FANK1: variants seen among roughly 807,000 people sequenced by gnomAD.
FANK1 encodes fibronectin type III and ankyrin repeat domains 1.
FANK1 carries 44 observed loss-of-function variants against 45.3 expected under a neutral mutation model. The observed-to-expected ratio is 0.97, with a 90% CI of 0.76 to 1.25. The LOEUF is 1.25. Among genes scored for constraint, FANK1 ranks in the 50% most tolerant of loss-of-function variants. The pLI is 0.00. For synonymous variants in FANK1, 149 were observed against 152.5 expected, an observed-to-expected ratio of 0.98 and a Z score of 0.17; for missense variants, 391 against 424.4, an observed-to-expected ratio of 0.92 and a Z score of 0.69.
At chr10:125,991,278 T>TGTG (rs60170742) in intron 3 of FANK1, among the ~76,000 whole-genome samples, 1 of 147,068 alleles carries the variant, frequency 6.8e-6, no homozygotes, top group African/African-American at 2.5e-5. Context: ...TGTGTGTGTG[T>TGTG]TGGGGGAGTG....
Position 125,943,994 on chromosome 10 carries a change from C to T in FANK1, c.14-36167C>T, listed in dbSNP as rs370914200. 2.8e-4 allele frequency among the ~76,000 whole-genome samples: 43 copies of T among 152,340 alleles called. No individual in the cohort carries two copies. The South Asian group carries it at 8.5e-3, about 30-fold the overall frequency. ...ACGTCTTCTAAAAGTCACGTTTTTA[C>T]GTGACTGATTGCAAATGCAACATAA... On this transcript the variant is annotated intron_variant, in intron 1 of 10. Transcript: ENST00000368693.
At chr10:125,922,470 G>T (rs375568018) in intron 1 of FANK1, among the ~76,000 whole-genome samples, 1 of 152,184 alleles carries the variant, frequency 6.6e-6, no homozygotes, top group Non-Finnish European at 1.5e-5. Flanking sequence ...ATGACAGGCC[G>T]TAGCATACAT....
At chr10:125,941,035 T>G (rs1385048781) in intron 1 of FANK1, among the ~76,000 whole-genome samples, 3 of 152,208 alleles carry the variant, frequency 2.0e-5, no homozygotes, top group Non-Finnish European at 4.4e-5. Flanking sequence ...GTTCCTTTTC[T>G]ACATAGACAT....
At chr10:125,899,435 G>T (rs77267970) in intron 1 of FANK1, among the ~76,000 whole-genome samples, 2 of 150,648 alleles carry the variant, frequency 1.3e-5, no homozygotes, top group African/African-American at 2.4e-5. Context: ...GTTCTCGAAC[G>T]CCTGGCCTCA....
rs12415595 is a variant in FANK1, at chr10:125,909,940, G to A, written c.13+13285G>A. On this transcript the variant is annotated intron_variant, in intron 1 of 10. Transcript: ENST00000368693. ...ACAAGTTTTCTACTTTTGTAAAATTGTATTGAAGTATAATATACCTGAGAG... is the reference window on the plus strand; with the variant it reads ...ACAAGTTTTCTACTTTTGTAAAATTATATTGAAGTATAATATACCTGAGAG... Among the ~76,000 whole-genome samples, 719 of 151,552 alleles carry A rather than the reference G, an allele frequency of 4.7e-3. 40 individuals carry two copies. The East Asian group carries it at 0.096, about 20-fold the overall frequency.
At chr10:125,999,763 A>G (rs777094810) in intron 6 of FANK1, among the ~76,000 whole-genome samples, 5 of 152,200 alleles carry the variant, frequency 3.3e-5, no homozygotes, top group Non-Finnish European at 7.3e-5. Flanking sequence ...TATAGCTTGT[A>G]GGCATTTAAT....
intron 1 of FANK1, among the ~76,000 whole-genome samples, chr10:125,929,281 C>T (rs561258653): frequency 1.3e-5 from 2 of 152,196 alleles, no homozygotes; most frequent in Non-Finnish European, 2.9e-5. Context: ...AAAAAAGTCC[C>T]TCAGGTAGCA....
At chr10:125,903,104 C>T (rs1459836140) in intron 1 of FANK1, among the ~76,000 whole-genome samples, 1 of 152,312 alleles carries the variant, frequency 6.6e-6, no homozygotes, top group Non-Finnish European at 1.5e-5. Context: ...TTTCCCCAAG[C>T]TCAGGTTCAC....
chr10:125,957,635 A>C (rs950589767), intron 1 of FANK1, among the ~76,000 whole-genome samples: 1 of 151,720 alleles, frequency 6.6e-6, no homozygotes, highest in African/African-American at 2.4e-5. Flanking sequence ...AGCAATTCTC[A>C]TGCCTCAGCC....
intron 1 of FANK1, among the ~76,000 whole-genome samples, chr10:125,935,303 C>G (rs1948025770): frequency 6.6e-6 from 1 of 152,224 alleles, no homozygotes; most frequent in Non-Finnish European, 1.5e-5. Context: ...GGGGCCGCAT[C>G]TGAGCTCACT....
At chr10:125,982,916 C>CTTTT (rs4019626) in intron 2 of FANK1, among the ~76,000 whole-genome samples, 2 of 146,844 alleles carry the variant, frequency 1.4e-5, no homozygotes, top group Admixed American at 6.8e-5. Context: ...GACTTTATTC[C>CTTTT]TTTTTTTTTT....
intron 2 of FANK1, chr10:125,980,759 C>T (rs1951154740): frequency 6.3e-6 from 1 of 159,560 alleles, no homozygotes. Context: ...CGCTGGCTGC[C>T]TCTCAGCCTG....
rs186547911 is a variant in FANK1 at position 126,008,994 on chromosome 10, C to T, written c.850-60C>T. The T allele has an allele frequency of 3.2e-6, 5 of 1,542,376 alleles. No individual in the cohort carries two copies. In the East Asian group the frequency reaches 1.1e-4, roughly 35 times the overall value. ...CCTGCATGTGCCAGGCTCATGCCCC[C>T]TGCTGTGTGTGCCCTGGAGGGAGAA... On this transcript the variant is annotated intron_variant, in intron 8 of 10. Transcript: ENST00000368693.
intron 1 of FANK1, among the ~76,000 whole-genome samples, chr10:125,907,200 G>A (rs1945595984): frequency 6.6e-6 from 1 of 152,178 alleles, no homozygotes; most frequent in African/African-American, 2.4e-5. Context: ...TGATAGGCTT[G>A]CTTATAGTAA....
chr10:125,946,235 G>C (rs1273676810), intron 1 of FANK1, among the ~76,000 whole-genome samples: 5 of 151,998 alleles, frequency 3.3e-5, no homozygotes. Flanking sequence ...TTCCTCACCA[G>C]CAACGGAACA....
chr10:125,943,838 G>C (rs555290262), intron 1 of FANK1, among the ~76,000 whole-genome samples: 2 of 152,318 alleles, frequency 1.3e-5, no homozygotes, highest in Admixed American at 1.3e-4. Context: ...GTGTAACTTG[G>C]AAAATCTGAA....
intron 3 of FANK1, among the ~76,000 whole-genome samples, chr10:125,991,246 CAG>C (rs1951906596): frequency 1.6e-5 from 1 of 63,382 alleles, no homozygotes. Context: ...TGGTGGTGAC[CAG>C]GGGTGTGTGT....
chr10:125,908,967 T>G (rs1438832548), intron 1 of FANK1, among the ~76,000 whole-genome samples: 1 of 152,288 alleles, frequency 6.6e-6, no homozygotes, highest in African/African-American at 2.4e-5. Context: ...TGGTTCTGTC[T>G]TGGTCAATAT....
chr10:125,972,969 G>A (rs118091292), intron 1 of FANK1: 4,066 of 152,220 alleles, frequency 0.027, 99 homozygotes, highest in Non-Finnish European at 0.039. Context: ...CACCTTTTCC[G>A]GGCTCTGTAC....
Sources: allele counts gnomAD v4.1 joint callset (sites outside exome capture counted in the v4.1 genomes callset), GRCh38; gene constraint gnomAD v4.1.1; transcripts MANE v1.5; gene names NCBI Gene and HGNC (gene_info 2026-07-23, HGNC 2026-07-21).